FHIT: variants seen among roughly 807,000 people sequenced by gnomAD.
FHIT encodes the protein fragile histidine triad diadenosine triphosphatase.
Under a neutral mutation model 17.9 loss-of-function variants are expected in FHIT, and 19 were observed. The ratio of observed to expected loss-of-function variants is 1.06; its 90% CI spans 0.74 to 1.56. FHIT has a LOEUF of 1.56. Ranked by LOEUF, FHIT falls within the 40% of genes most tolerant of loss-of-function variation. The probability of loss-of-function intolerance (pLI) is 0.00; values close to 1 mark genes in which losing one functional copy is unlikely to be tolerated. For missense variants in FHIT, 248 were observed against 189.2 expected (o/e 1.31, Z -1.82); for synonymous variants, 81 against 69.7 (o/e 1.16, Z -0.81).
intron 8 of FHIT, among the ~76,000 whole-genome samples, chr3:59,897,186 A>T (rs533231590): frequency 4.6e-5 from 7 of 152,350 alleles, no homozygotes; most frequent in African/African-American, 1.7e-4. Flanking sequence ...CAATGATGGA[A>T]ATGATCTAAT....
intron 8 of FHIT, among the ~76,000 whole-genome samples, chr3:59,869,385 C>T (rs1702806722): frequency 2.0e-5 from 3 of 151,726 alleles, no homozygotes; most frequent in African/African-American, 4.8e-5. Context: ...TTAGACTTCA[C>T]ATTATAGAAA....
chr3:60,704,068 T>C (rs1433974250), intron 4 of FHIT, among the ~76,000 whole-genome samples: 4 of 152,090 alleles, frequency 2.6e-5, no homozygotes, highest in Non-Finnish European at 5.9e-5. Flanking sequence ...ACATACCATC[T>C]TCCTCCCACA....
chr3:60,003,418 GCA>G (rs1328858323), intron 7 of FHIT, among the ~76,000 whole-genome samples: 5 of 152,068 alleles, frequency 3.3e-5, no homozygotes, highest in African/African-American at 1.2e-4. Flanking sequence ...TTCAATCAAG[GCA>G]CACATTATTG....
At chr3:60,204,868 A>G (rs143581983) in intron 5 of FHIT, among the ~76,000 whole-genome samples, 4 of 152,230 alleles carry the variant, frequency 2.6e-5, no homozygotes, top group African/African-American at 9.6e-5. Context: ...TAAATCTAGT[A>G]CTTTCATGGC....
chr3:59,775,685 A>C (rs1178137334), intron 8 of FHIT, among the ~76,000 whole-genome samples: 1 of 152,200 alleles, frequency 6.6e-6, no homozygotes, highest in Admixed American at 6.5e-5. Context: ...AATTAGCAGG[A>C]AATCTTAGAA....
intron 5 of FHIT, among the ~76,000 whole-genome samples, chr3:60,104,422 AAT>A (rs1269353273): frequency 2.6e-5 from 4 of 152,158 alleles, no homozygotes; most frequent in Non-Finnish European, 4.4e-5. Flanking sequence ...TTATATTCAG[AAT>A]AGCAAAAAGC....
intron 4 of FHIT, among the ~76,000 whole-genome samples, chr3:60,644,379 T>C (rs2039802155): frequency 1.3e-5 from 2 of 152,328 alleles, no homozygotes; most frequent in South Asian, 2.1e-4. Context: ...AAATTTGAAA[T>C]TGATTAATGT....
intron 5 of FHIT, among the ~76,000 whole-genome samples, chr3:60,371,582 AT>A (rs1700331939): frequency 6.6e-6 from 1 of 151,990 alleles, no homozygotes; most frequent in African/African-American, 2.4e-5. Flanking sequence ...TCTTCTTTTT[AT>A]TTTTCAATCT....
At chr3:60,007,233 G>T (rs890865543) in intron 7 of FHIT, among the ~76,000 whole-genome samples, 1 of 152,052 alleles carries the variant, frequency 6.6e-6, no homozygotes, top group Admixed American at 6.6e-5. Flanking sequence ...AAGCAGCATC[G>T]CTTCTAAAGA....
chr3:60,013,750 T>C (rs1166148065), intron 6 of FHIT, among the ~76,000 whole-genome samples: 2 of 152,206 alleles, frequency 1.3e-5, no homozygotes, highest in Admixed American at 1.3e-4. Context: ...AATGTCTGAA[T>C]GTCCATTAAA....
intron 3 of FHIT, among the ~76,000 whole-genome samples, chr3:60,893,028 T>C (rs1485010604): frequency 1.3e-5 from 2 of 152,186 alleles, no homozygotes; most frequent in Non-Finnish European, 2.9e-5. Context: ...CCACAAAACA[T>C]GGCACCTTGG....
chr3:60,595,584 T>A (rs1389621962), intron 4 of FHIT, among the ~76,000 whole-genome samples: 2 of 151,114 alleles, frequency 1.3e-5, no homozygotes, highest in African/African-American at 2.4e-5. Context: ...TATACGCACA[T>A]ACGTATGTGT....
chr3:60,777,330 G>C (rs1700243636), intron 4 of FHIT, among the ~76,000 whole-genome samples: 1 of 152,228 alleles, frequency 6.6e-6, no homozygotes, highest in South Asian at 2.1e-4. Context: ...GTTTGGTTCA[G>C]AAAGGCAGGA....
chr3:60,533,415 T>C (rs922642676), intron 5 of FHIT, among the ~76,000 whole-genome samples: 2 of 152,204 alleles, frequency 1.3e-5, no homozygotes, highest in Non-Finnish European at 2.9e-5. Flanking sequence ...AGAGCAGGTC[T>C]CGTCCATAGG....
chr3:60,398,935 G>T (rs149151139), intron 5 of FHIT, among the ~76,000 whole-genome samples: 1 of 152,094 alleles, frequency 6.6e-6, no homozygotes, highest in African/African-American at 2.4e-5. Context: ...TAAAAATAAG[G>T]AATAAAAGGT....
intron 4 of FHIT, among the ~76,000 whole-genome samples, chr3:60,818,898 A>G (rs149673408): frequency 4.7e-4 from 72 of 152,202 alleles, no homozygotes; most frequent in African/African-American, 1.7e-3. Flanking sequence ...TCTCACTCTA[A>G]AAGTTGTAAA....
intron 5 of FHIT, among the ~76,000 whole-genome samples, chr3:60,468,461 C>A (rs183230435): frequency 7.2e-5 from 11 of 151,960 alleles, no homozygotes; most frequent in South Asian, 2.1e-4. Context: ...TTTTCTAGAT[C>A]TGTTTTAAGT....
At position 61,066,476 on chromosome 3, in the gene FHIT, G is replaced by A. The variant is rs1387766789; in HGVS notation, c.-163-24377C>T. Among the ~76,000 whole-genome samples, 8 of 152,164 alleles carry A rather than the reference G, an allele frequency of 5.3e-5. No homozygotes were observed. The South Asian group carries it at 6.2e-4, about 12-fold the overall frequency. Reference sequence around the variant, plus strand: ...TAAAAATACAAAAAATTAGCCTTGCGTAGTGACATACACCTGTAGTCCCAG... The same window carrying A: ...TAAAAATACAAAAAATTAGCCTTGCATAGTGACATACACCTGTAGTCCCAG... On this transcript the variant is annotated intron_variant, in intron 2 of 9. Transcript: ENST00000492590.
chr3:60,191,288 C>T (rs1238987518), intron 5 of FHIT, among the ~76,000 whole-genome samples: 2 of 151,906 alleles, frequency 1.3e-5, no homozygotes, highest in Non-Finnish European at 2.9e-5. Flanking sequence ...TTATTAAAAG[C>T]TATAGAAAAA....
Sources: allele counts gnomAD v4.1 joint callset (sites outside exome capture counted in the v4.1 genomes callset), GRCh38; gene constraint gnomAD v4.1.1; transcripts MANE v1.5; gene names NCBI Gene and HGNC (gene_info 2026-07-23, HGNC 2026-07-21).